The following WWOX variants were observed in gnomAD, a reference collection of about 807,000 sequenced individuals.
WWOX encodes the protein WW domain-containing oxidoreductase.
A neutral mutation model predicts 46.2 loss-of-function variants in WWOX; 69 were observed. The ratio of observed to expected loss-of-function variants is 1.49; its 90% CI spans 1.23 to 1.82. The LOEUF is 1.82. WWOX is among the 40% of genes most tolerant of loss of function. The pLI is 0.00. For missense variants in WWOX, 919 were observed against 542.6 expected (o/e 1.69, Z -6.89); for synonymous variants, 359 against 202.6 (o/e 1.77, Z -6.56).
intron 8 of WWOX, among the ~76,000 whole-genome samples, chr16:78,679,609 C>T (rs2047683263): frequency 6.6e-6 from 1 of 152,156 alleles, no homozygotes; most frequent in Non-Finnish European, 1.5e-5. Flanking sequence ...TTTCTCCCCA[C>T]CTCTTTTAAT....
At chr16:78,793,527 A>G (rs1428028095) in intron 8 of WWOX, among the ~76,000 whole-genome samples, 3 of 152,222 alleles carry the variant, frequency 2.0e-5, no homozygotes, top group African/African-American at 7.2e-5. Flanking sequence ...TTTGCAGGTC[A>G]TTAGCTCATA....
intron 8 of WWOX, among the ~76,000 whole-genome samples, chr16:78,493,489 G>C (rs1460881942): frequency 6.6e-6 from 1 of 152,194 alleles, no homozygotes; most frequent in Non-Finnish European, 1.5e-5. Flanking sequence ...TTCTTTAACA[G>C]CACAGAAGAG....
chr16:78,228,814 C>T (rs1478822599), intron 5 of WWOX, among the ~76,000 whole-genome samples: 1 of 152,212 alleles, frequency 6.6e-6, no homozygotes, highest in Non-Finnish European at 1.5e-5. Context: ...ACCACTCTCT[C>T]CTTCCTGGAG....
chr16:78,996,141 CT>C, intron 8 of WWOX: 1 of 923,630 alleles, frequency 1.1e-6, no homozygotes, highest in Non-Finnish European at 1.3e-6. Context: ...GTAGAATGTT[CT>C]TTTTTTTAAT....
intron 8 of WWOX, among the ~76,000 whole-genome samples, chr16:79,009,832 C>T (rs750033429): frequency 6.6e-6 from 1 of 152,114 alleles, no homozygotes; most frequent in Non-Finnish European, 1.5e-5. Context: ...AAGACTGTAC[C>T]TATCATGGGG....
intron 8 of WWOX, among the ~76,000 whole-genome samples, chr16:78,541,581 G>T (rs1017707784): frequency 1.3e-5 from 2 of 150,198 alleles, no homozygotes; most frequent in South Asian, 2.1e-4. Flanking sequence ...ATAGGATAGG[G>T]TATAATTTAA....
At position 78,460,586 on chromosome 16, in the gene WWOX, A is replaced by G. The variant is rs999397996; in HGVS notation, c.1056+27834A>G. Among the ~76,000 whole-genome samples, 6 of 152,202 alleles carry G rather than the reference A, an allele frequency of 3.9e-5. 1 individual carries two copies. The South Asian group carries it at 6.2e-4, about 16-fold the overall frequency. On this transcript the variant is annotated intron_variant, in intron 8 of 8. Coordinates refer to ENST00000566780, the MANE Select transcript of WWOX (RefSeq NM_016373.4). ...CAGATGCCTGTTTGTTTTGCAGAAC[A>G]CTGGCCTGAATGACTCAGACTTGGA...
chr16:78,277,325 A>T (rs555128991), intron 5 of WWOX, among the ~76,000 whole-genome samples: 2 of 152,280 alleles, frequency 1.3e-5, no homozygotes, highest in African/African-American at 4.8e-5. Context: ...GACTCTCTAT[A>T]AAATGATGTC....
intron 8 of WWOX, chr16:78,525,408 A>G (rs2043441172): frequency 6.6e-6 from 1 of 151,108 alleles, no homozygotes; most frequent in Non-Finnish European, 1.5e-5. Flanking sequence ...GATGGTCTCG[A>G]TCTCCTGACC....
intron 8 of WWOX, among the ~76,000 whole-genome samples, chr16:78,806,907 G>A (rs994886234): frequency 6.6e-6 from 1 of 152,156 alleles, no homozygotes; most frequent in South Asian, 2.1e-4. Flanking sequence ...GAAAAGAATG[G>A]TATTTGGCAA....
Position 79,079,428 on chromosome 16 carries a change from C to G in WWOX, c.1057-132180C>G, listed in dbSNP as rs377492936. ...GGTATCCATTCATCCATCCATCCAT[C>G]TAGGCATCCCAGGTGACTCATTCCT... On this transcript the variant is annotated intron_variant, in intron 8 of 8. Coordinates refer to ENST00000566780, the MANE Select transcript of WWOX (RefSeq NM_016373.4). Among the ~76,000 whole-genome samples, 28 of 152,330 alleles carry G rather than the reference C, an allele frequency of 1.8e-4. No homozygotes were observed. The South Asian group carries it at 5.4e-3, about 29-fold the overall frequency.
chr16:78,520,655 C>G (rs1245101652), intron 8 of WWOX, among the ~76,000 whole-genome samples: 2 of 151,880 alleles, frequency 1.3e-5, no homozygotes, highest in African/African-American at 2.4e-5. Context: ...ACGGCCCTGG[C>G]TGATTAATAA....
intron 8 of WWOX, among the ~76,000 whole-genome samples, chr16:79,210,572 CCT>C (rs1266283678): frequency 6.6e-6 from 1 of 152,134 alleles, no homozygotes; most frequent in East Asian, 1.9e-4. Context: ...AACCCCTCTC[CCT>C]CTCATCAGCT....
chr16:78,588,508 T>C (rs934148715), intron 8 of WWOX, among the ~76,000 whole-genome samples: 3 of 152,282 alleles, frequency 2.0e-5, no homozygotes, highest in African/African-American at 7.2e-5. Context: ...CTCACAAGTT[T>C]CTTGTAGCAG....
intron 5 of WWOX, among the ~76,000 whole-genome samples, chr16:78,279,687 C>T (rs1415710686): frequency 6.6e-6 from 1 of 152,150 alleles, no homozygotes; most frequent in Non-Finnish European, 1.5e-5. Flanking sequence ...TGTAATAGAG[C>T]TATTAGAATC....
intron 8 of WWOX, among the ~76,000 whole-genome samples, chr16:78,539,402 C>T (rs944452198): frequency 6.6e-6 from 1 of 152,156 alleles, no homozygotes; most frequent in Non-Finnish European, 1.5e-5. Flanking sequence ...CCTTAGAAAA[C>T]ATACAGCATT....
intron 8 of WWOX, among the ~76,000 whole-genome samples, chr16:78,971,278 A>G (rs113065232): frequency 1.4e-3 from 211 of 151,976 alleles, no homozygotes; most frequent in African/African-American, 4.9e-3. Context: ...AGCCTGGCCA[A>G]CATGGTGAAA....
intron 8 of WWOX, among the ~76,000 whole-genome samples, chr16:78,621,116 C>G (rs532920389): frequency 6.6e-6 from 1 of 152,152 alleles, no homozygotes; most frequent in Non-Finnish European, 1.5e-5. Flanking sequence ...TTTGAAAATG[C>G]TGGGTTTTAA....
intron 8 of WWOX, among the ~76,000 whole-genome samples, chr16:78,481,167 T>C (rs938259894): frequency 2.6e-5 from 4 of 152,216 alleles, no homozygotes; most frequent in Non-Finnish European, 5.9e-5. Context: ...GCTAATAGAA[T>C]GATCCAAGTT....
Sources: gnomAD v4.1 joint callset for allele counts (sites outside exome capture counted in the v4.1 genomes callset) on GRCh38, gnomAD v4.1.1 for gene constraint, MANE v1.5 for transcripts, NCBI Gene and HGNC (gene_info 2026-07-23, HGNC 2026-07-21) for gene names.